The following CHLSN variants were observed in gnomAD, a reference collection of about 807,000 sequenced individuals.
CHLSN encodes protein cholesin.
the CHLSN span, among the ~76,000 whole-genome samples, chr7:1,121,877 G>GGCA: frequency 6.6e-6 from 1 of 150,382 alleles, no homozygotes; most frequent in South Asian, 2.1e-4. Flanking sequence ...ACTCACACAG[G>GGCA]GCAGCGTGCT....
chr7:1,049,644 G>A, the CHLSN span, among the ~76,000 whole-genome samples: 2 of 152,196 alleles, frequency 1.3e-5, no homozygotes, highest in Non-Finnish European at 2.9e-5. Flanking sequence ...CCTGCAGACA[G>A]CAGGGCACGG....
the CHLSN span, among the ~76,000 whole-genome samples, chr7:1,018,554 C>A: frequency 6.6e-6 from 1 of 151,554 alleles, no homozygotes; most frequent in South Asian, 2.1e-4. Context: ...GGAGCAGGCA[C>A]CTGGCGTGGG....
At chr7:1,016,178 AGCACACGCCAGCACACAGCAGCG>A in the CHLSN span, among the ~76,000 whole-genome samples, 2 of 88,680 alleles carry the variant, frequency 2.3e-5, no homozygotes, top group Non-Finnish European at 4.2e-5. Context: ...AGCACACAGC[AGCACACGCCAGCACACAGCAGCG>A]CACGCCAGCA....
At chr7:1,045,072 G>T in the CHLSN span, among the ~76,000 whole-genome samples, 1 of 152,224 alleles carries the variant, frequency 6.6e-6, no homozygotes, top group Non-Finnish European at 1.5e-5. Context: ...GGAGGTGTCG[G>T]ATCTGCTGTC....
At chr7:988,956 C>A in the CHLSN span, 1 of 620,836 alleles carries the variant, frequency 1.6e-6, no homozygotes, top group Non-Finnish European at 2.8e-6. Context: ...CCCCCACCCC[C>A]ACAGGGTCAG....
At chr7:984,529 G>T in the CHLSN span, 1 of 1,554,062 alleles carries the variant, frequency 6.4e-7, no homozygotes, top group South Asian at 1.2e-5. Flanking sequence ...GGAGCTGGCC[G>T]ACCGGCCTCC....
the CHLSN span, among the ~76,000 whole-genome samples, chr7:999,960 G>A: frequency 2.8e-4 from 42 of 152,330 alleles, no homozygotes; most frequent in Admixed American, 1.5e-3. Flanking sequence ...CTGCCCACAC[G>A]TACATGTGTA....
At chr7:1,057,583 A>T in the CHLSN span, 1 of 772,336 alleles carries the variant, frequency 1.3e-6, no homozygotes, top group East Asian at 2.4e-5. Flanking sequence ...CAGGACCTGC[A>T]GCTGGGGCTG....
At chr7:1,002,953 T>C in the CHLSN span, among the ~76,000 whole-genome samples, 1 of 78,356 alleles carries the variant, frequency 1.3e-5, no homozygotes. Flanking sequence ...GTGAGTGGAG[T>C]CCTGTGGGTG....
At chr7:1,074,237 T>C in the CHLSN span, among the ~76,000 whole-genome samples, 1 of 18,676 alleles carries the variant, frequency 5.4e-5, no homozygotes, top group Non-Finnish European at 9.6e-5. Flanking sequence ...CCGCCGTCAC[T>C]CCCCCGACCC....
chr7:1,130,573 C>T, the CHLSN span, among the ~76,000 whole-genome samples: 2 of 151,882 alleles, frequency 1.3e-5, no homozygotes, highest in South Asian at 4.2e-4. Flanking sequence ...CCCAGGGCCA[C>T]CCCCTCACCC....
the CHLSN span, chr7:1,043,957 G>A: frequency 6.6e-6 from 1 of 152,264 alleles, no homozygotes; most frequent in Non-Finnish European, 1.5e-5. Context: ...AAAAATTACA[G>A]CAAAGTAAAT....
At chr7:1,068,231 G>T in the CHLSN span, among the ~76,000 whole-genome samples, 2 of 152,146 alleles carry the variant, frequency 1.3e-5, no homozygotes, top group Non-Finnish European at 2.9e-5. Context: ...CATGTCCCCA[G>T]TTTCCCCTCG....
At chr7:988,174 G>A in the CHLSN span, 3 of 1,334,292 alleles carry the variant, frequency 2.2e-6, no homozygotes, top group Non-Finnish European at 3.0e-6. Flanking sequence ...CACCAGGTGT[G>A]GTGGGTGTGG....
chr7:1,057,976 G>T, the CHLSN span: 2 of 770,912 alleles, frequency 2.6e-6, no homozygotes. Context: ...GTGTGGGGTG[G>T]CGCGCTGCTG....
At chr7:1,075,535 T>TA in the CHLSN span, among the ~76,000 whole-genome samples, 51 of 146,782 alleles carry the variant, frequency 3.5e-4, no homozygotes, top group East Asian at 1.8e-3. Context: ...AAAAAAAAAT[T>TA]AAAAAAAAAG....
the CHLSN span, chr7:984,646 C>T: frequency 6.7e-7 from 1 of 1,499,398 alleles, no homozygotes; most frequent in Non-Finnish European, 8.8e-7. Context: ...GGTGGGGGCT[C>T]CAGCAGCGGG....
chr7:1,028,117 C>T, the CHLSN span: 5 of 473,816 alleles, frequency 1.1e-5, no homozygotes, highest in South Asian at 2.6e-4. Flanking sequence ...GTCTGCAGGG[C>T]GGAGCGGGGC....
chr7:1,033,650 A>T, the CHLSN span, among the ~76,000 whole-genome samples: 1 of 152,192 alleles, frequency 6.6e-6, no homozygotes, highest in African/African-American at 2.4e-5. Context: ...TGCAGGGGGC[A>T]TGTGACGAAG....
Sources: allele counts gnomAD v4.1 joint callset (sites outside exome capture counted in the v4.1 genomes callset), GRCh38; gene constraint gnomAD v4.1.1; transcripts MANE v1.5; gene names NCBI Gene and HGNC (gene_info 2026-07-23, HGNC 2026-07-21).